Variants in ARHGAP15 observed in about 807,000 individuals in gnomAD.
The protein encoded by ARHGAP15 is rho GTPase-activating protein 15.
ARHGAP15 carries 51 observed loss-of-function variants against 63.7 expected under a neutral mutation model. The observed-to-expected ratio is 0.80, with a 90% CI of 0.64 to 1.01. The LOEUF is 1.01. Ranked by LOEUF, ARHGAP15 falls within the 50% of genes least tolerant of loss-of-function variation. The pLI is 0.00. For missense variants in ARHGAP15, 560 were observed against 564.6 expected, an observed-to-expected ratio of 0.99 and a Z score of 0.08; for synonymous variants, 191 against 193.8, an observed-to-expected ratio of 0.99 and a Z score of 0.12.
At chr2:143,629,153 G>T (rs992779083) in intron 12 of ARHGAP15, among the ~76,000 whole-genome samples, 1 of 148,930 alleles carries the variant, frequency 6.7e-6, no homozygotes, top group East Asian at 2.0e-4. Flanking sequence ...TGAACAGAAG[G>T]CATTTACTTT....
chr2:143,654,821 C>T (rs755905013), intron 12 of ARHGAP15, among the ~76,000 whole-genome samples: 2 of 152,064 alleles, frequency 1.3e-5, no homozygotes, highest in East Asian at 3.9e-4. Flanking sequence ...ATTATAAAGA[C>T]AAAAGAACAA....
In ARHGAP15 at chr2:143,517,936, T is replaced by C. The variant is rs1383511415; in HGVS notation, c.827-1330T>C. On this transcript the variant is annotated intron_variant, in intron 9 of 13. Transcript: ENST00000295095. Reference sequence around the variant, plus strand: ...GGAGGAAAGACCCAAATGAAATCCATTAATTAGTGGAGGTCAGATTATGTA... The same window carrying C: ...GGAGGAAAGACCCAAATGAAATCCACTAATTAGTGGAGGTCAGATTATGTA... Among the ~76,000 whole-genome samples, 6 of 152,314 alleles carry C rather than the reference T, an allele frequency of 3.9e-5. No individual in the cohort carries two copies. In the South Asian group the frequency reaches 6.2e-4, roughly 16 times the overall value.
intron 9 of ARHGAP15, among the ~76,000 whole-genome samples, chr2:143,492,371 C>T (rs887601219): frequency 6.6e-6 from 1 of 152,198 alleles, no homozygotes; most frequent in African/African-American, 2.4e-5. Context: ...CTCATCTCCT[C>T]TGCCTCTTCT....
intron 6 of ARHGAP15, among the ~76,000 whole-genome samples, chr2:143,397,774 T>G (rs1226096598): frequency 6.6e-6 from 1 of 152,158 alleles, no homozygotes; most frequent in Non-Finnish European, 1.5e-5. Flanking sequence ...TGAGCTGAAA[T>G]TTCTCTAACA....
chr2:143,234,766 T>C (rs1693576155), intron 5 of ARHGAP15, among the ~76,000 whole-genome samples: 1 of 152,174 alleles, frequency 6.6e-6, no homozygotes, highest in Non-Finnish European at 1.5e-5. Flanking sequence ...CTGGGTTTGA[T>C]TGACCAAAGC....
intron 10 of ARHGAP15, among the ~76,000 whole-genome samples, chr2:143,532,661 G>A (rs765182310): frequency 1.7e-4 from 26 of 152,200 alleles, no homozygotes; most frequent in East Asian, 5.8e-4. Context: ...TTAGAGTACC[G>A]CATGCAAAAA....
At chr2:143,366,689 G>A (rs1686306632) in intron 6 of ARHGAP15, among the ~76,000 whole-genome samples, 1 of 151,874 alleles carries the variant, frequency 6.6e-6, no homozygotes, top group African/African-American at 2.4e-5. Context: ...TTATTTAATA[G>A]GGTTAAAGAA....
intron 6 of ARHGAP15, among the ~76,000 whole-genome samples, chr2:143,418,219 C>T (rs1043041425): frequency 3.9e-5 from 6 of 152,196 alleles, no homozygotes; most frequent in African/African-American, 1.2e-4. Flanking sequence ...GTCATCAGGA[C>T]AGCCCCGTGG....
chr2:143,438,007 A>G (rs1308835119), intron 8 of ARHGAP15, among the ~76,000 whole-genome samples: 2 of 152,168 alleles, frequency 1.3e-5, no homozygotes, highest in African/African-American at 2.4e-5. Context: ...CTGGTTGGCA[A>G]CAAAGCAAGA....
chr2:143,495,910 G>A (rs1196971649), intron 9 of ARHGAP15, among the ~76,000 whole-genome samples: 1 of 152,128 alleles, frequency 6.6e-6, no homozygotes, highest in Non-Finnish European at 1.5e-5. Flanking sequence ...TAGGGCATGG[G>A]TCTATCATTG....
chr2:143,672,005 A>AGAC (rs377536235), intron 12 of ARHGAP15, among the ~76,000 whole-genome samples: 112 of 152,342 alleles, frequency 7.4e-4, no homozygotes, highest in African/African-American at 2.5e-3. Flanking sequence ...TGTATAAAAC[A>AGAC]GACAAATAGT....
At chr2:143,547,700 T>C (rs986454751) in intron 10 of ARHGAP15, among the ~76,000 whole-genome samples, 145 of 143,342 alleles carry the variant, frequency 1.0e-3, no homozygotes, top group African/African-American at 3.7e-3. Flanking sequence ...TTTTTTTTTT[T>C]GTAACATTTG....
chr2:143,552,773 G>C (rs1379319835), intron 10 of ARHGAP15, among the ~76,000 whole-genome samples: 1 of 152,054 alleles, frequency 6.6e-6, no homozygotes, highest in African/African-American at 2.4e-5. Context: ...AAATGACTTA[G>C]TTTTATCGTG....
chr2:143,582,085 A>G (rs10211096), intron 11 of ARHGAP15, among the ~76,000 whole-genome samples: 120,449 of 152,088 alleles, frequency 0.79, 47,805 homozygotes, highest in South Asian at 0.83. Flanking sequence ...AGATGTGCAC[A>G]TCTTTCACAT....
At chr2:143,615,396 A>G (rs911586301) in intron 11 of ARHGAP15, among the ~76,000 whole-genome samples, 18 of 152,176 alleles carry the variant, frequency 1.2e-4, no homozygotes, top group African/African-American at 3.9e-4. Flanking sequence ...CTAACCCTAC[A>G]CATATCACCA....
At position 143,250,553 on chromosome 2, in the gene ARHGAP15, C is replaced by T. The variant is rs373646185; in HGVS notation, c.427C>T (p.His143Tyr). 3 of 1,613,334 alleles carry T rather than the reference C, an allele frequency of 1.9e-6. No homozygotes were observed. Among genetic ancestry groups the T allele is most frequent in the Admixed American group, 1.7e-5 (1 of 59,960 alleles). ...KPESVDLCGAHIEWAKEKSSR... is the reference protein window; with the variant it reads ...KPESVDLCGAYIEWAKEKSSR... ...AGAAAGTGTGGATTTGTGTGGAGCA[C>T]ACATTGAATGGGCCAAGGAAAAATC... The change falls in exon 6 of 14, where the codon CAC becomes TAC. Residue 143 changes from histidine to tyrosine, a missense_variant. Transcript: ENST00000295095.
At chr2:143,548,619 T>C (rs1228008523) in intron 10 of ARHGAP15, among the ~76,000 whole-genome samples, 2 of 152,014 alleles carry the variant, frequency 1.3e-5, no homozygotes, top group African/African-American at 4.8e-5. Context: ...TAAAAATTCT[T>C]ATTTTCCATA....
chr2:143,501,642 CAG>C, intron 9 of ARHGAP15, among the ~76,000 whole-genome samples: 1 of 152,182 alleles, frequency 6.6e-6, no homozygotes, highest in African/African-American at 2.4e-5. Flanking sequence ...CCTTTTTAGT[CAG>C]AAAGATCATG....
chr2:143,187,458 A>C (rs938302074), intron 2 of ARHGAP15, among the ~76,000 whole-genome samples: 2 of 152,210 alleles, frequency 1.3e-5, no homozygotes, highest in African/African-American at 4.8e-5. Context: ...CTTCGATGAT[A>C]ATACTAGCTA....
Sources: gnomAD v4.1 joint callset for allele counts (sites outside exome capture counted in the v4.1 genomes callset) on GRCh38, gnomAD v4.1.1 for gene constraint, MANE v1.5 for transcripts, NCBI Gene and HGNC (gene_info 2026-07-23, HGNC 2026-07-21) for gene names.